The following MT1A variants were observed in gnomAD, a reference collection of about 807,000 sequenced individuals.
MT1A encodes the protein metallothionein-1A.
A neutral mutation model predicts 5.5 loss-of-function variants in MT1A; 6 were observed. The ratio of observed to expected loss-of-function variants is 1.09; its 90% CI spans 0.60 to 2.16. The LOEUF is 2.16. Among genes scored for constraint, MT1A ranks in the 30% most tolerant of loss-of-function variants. The pLI, the probability that MT1A is intolerant of heterozygous loss-of-function variation, is 0.00. For synonymous variants in MT1A, 23 were observed against 24.8 expected (o/e 0.93, Z 0.21); for missense variants, 69 against 73.4 (o/e 0.94, Z 0.22).
rs1960408474 is a variant in MT1A at position 56,638,767 on chromosome 16, G to T, written c.28+1G>T. On this transcript the variant is annotated splice_donor_variant, in intron 1 of 2. Transcript: ENST00000290705. LOFTEE classifies it high-confidence loss of function. Reference sequence around the variant, plus strand: ...GACCCCAACTGCTCCTGCGCCACTGGTAAGGGATGCTAGGTTTCTGGTCCT... The same window carrying T: ...GACCCCAACTGCTCCTGCGCCACTGTTAAGGGATGCTAGGTTTCTGGTCCT... The T allele has an allele frequency of 6.2e-7, 1 of 1,613,962 alleles. No individual in the cohort carries two copies. The highest frequency in any genetic ancestry group is 8.5e-7 in the Non-Finnish European group (1 of 1,179,992).
chr16:56,638,892 C>T, intron 1 of MT1A, 126 bp downstream of exon 1: 4 of 1,172,386 alleles, frequency 3.4e-6, no homozygotes, highest in Admixed American at 3.7e-5. Flanking sequence ...TGATCTAGTG[C>T]TTTTCCACTC....
rs1036543406 is a variant in MT1A at position 56,639,807 on chromosome 16, G to A, written c.95-52G>A. The stretch of plus-strand genomic sequence containing the variant: ...TTGGGCCAGGCTTCTCTGGGGGCAG[G>A]GAAGTCCCCGGTCAAGTCTGGTCTG... On this transcript the variant is annotated intron_variant, in intron 2 of 2. Coordinates refer to ENST00000290705, the MANE Select transcript of MT1A (RefSeq NM_005946.3). 5.0e-6 allele frequency: 8 copies of A among 1,610,736 alleles called. No homozygotes were observed. The Admixed American group carries it at 1.2e-4, about 24-fold the overall frequency.
chr16:56,639,332 G>A lies in MT1A; in HGVS notation c.94+3G>A, dbSNP rs1459856466. On this transcript the variant is annotated splice_donor_region_variant and intron_variant, in intron 2 of 2. Transcript: ENST00000290705. ...CAAATGCACCTCCTGCAAGAAGAGT[G>A]AGTGTGGGGCCATCTCCAGGAATCT... 1 of 1,611,862 alleles carries A rather than the reference G, an allele frequency of 6.2e-7. No homozygotes were observed. The highest frequency in any genetic ancestry group is 1.1e-5 in the South Asian group (1 of 91,064).
At position 56,640,052 on chromosome 16, in the gene MT1A, G is replaced by T; in HGVS notation, c.*102G>T. 7.1e-7 allele frequency: 1 copy of T among 1,416,620 alleles called. No homozygotes were observed. Among genetic ancestry groups the T allele is most frequent in the Non-Finnish European group, 9.5e-7 (1 of 1,053,342 alleles). The allele number at this position is 1,416,620 out of a possible 1,614,324, so 87.8% of individuals were successfully genotyped here. Reference sequence around the variant, plus strand: ...ACCCATTTACTGTATTTTTTTTAATGAAATATGTGAATGATAATAAAAGTT... The same window carrying T: ...ACCCATTTACTGTATTTTTTTTAATTAAATATGTGAATGATAATAAAAGTT... On this transcript the variant is annotated 3_prime_UTR_variant, in exon 3 of 3. Transcript: ENST00000290705.
chr16:56,638,801 C>A (rs758331092), intron 1 of MT1A, 35 bp downstream of exon 1: 5 of 1,612,442 alleles, frequency 3.1e-6, no homozygotes, highest in Non-Finnish European at 4.2e-6. Flanking sequence ...CTTAGGATAC[C>A]TATTTCCCCG....
rs776240151 is a variant in MT1A, at chr16:56,638,759, C to A, written c.21C>A (p.Cys7Ter). Residue 7 changes from cysteine to a stop codon, truncating the protein, a stop_gained, in exon 1 of 3, where the codon TGC becomes TGA. Transcript: ENST00000290705. LOFTEE classifies it high-confidence loss of function. ...TCGAAATGGACCCCAACTGCTCCTG[C>A]GCCACTGGTAAGGGATGCTAGGTTT... MDPNCSCATGGSCTCTG... is the reference protein window; with the variant it reads MDPNCS 2 of 1,614,152 alleles carry A rather than the reference C, an allele frequency of 1.2e-6. No homozygotes were observed. Among genetic ancestry groups the A allele is most frequent in the South Asian group, 2.2e-5 (2 of 91,080 alleles).
chr16:56,638,666 ACCAAGCCTT>A lies in MT1A; in HGVS notation c.-69_-61del. 2.6e-6 allele frequency: 4 copies of A among 1,558,194 alleles called. No individual in the cohort carries two copies. In the South Asian group the frequency reaches 4.4e-5, roughly 17 times the overall value. On this transcript the variant is annotated 5_prime_UTR_variant, in exon 1 of 3. Transcript: ENST00000290705. The stretch of plus-strand genomic sequence containing the variant: ...AAGCAGCCGCTGGCTGCTGGGCCCT[ACCAAGCCTT>A]CCACGTGCGCCTTATAGCCTCTCAA...
intron 2 of MT1A, among the ~76,000 whole-genome samples, chr16:56,639,532 A>AAG (rs1960417791): frequency 6.7e-6 from 1 of 149,214 alleles, no homozygotes; most frequent in African/African-American, 2.5e-5. Flanking sequence ...CCAAGAGTGC[A>AAG]CCAGCCTGCC....
In MT1A at chr16:56,639,918, G is replaced by C. The variant is rs758938105; in HGVS notation, c.154G>C (p.Gly52Arg). The change falls in exon 3 of 3, where the codon GGG becomes CGG. Residue 52 changes from glycine to arginine, a missense_variant. Physicochemically the swap from Gly to Arg is moderately radical, Grantham distance 125 (BLOSUM62 -2). Coordinates refer to ENST00000290705, the MANE Select transcript of MT1A (RefSeq NM_005946.3). Reference sequence around the variant, plus strand: ...GTGTGCCCAGGGCTGCATCTGCAAAGGGGCATCAGAGAAGTGCAGCTGCTG... The same window carrying C: ...GTGTGCCCAGGGCTGCATCTGCAAACGGGCATCAGAGAAGTGCAGCTGCTG... Reference protein sequence around the residue: ...AKCAQGCICKGASEKCSCCA With the variant: ...AKCAQGCICKRASEKCSCCA The C allele has an allele frequency of 6.2e-7, 1 of 1,614,214 alleles. No homozygotes were observed.
At chr16:56,639,389 G>A in intron 2 of MT1A, 60 bp downstream of exon 2, 1 of 1,559,304 alleles carries the variant, frequency 6.4e-7, no homozygotes, top group South Asian at 1.1e-5. Flanking sequence ...CAGGAAACCA[G>A]AGCTGGGCAT....
rs1960408437 is a variant in MT1A, at chr16:56,638,766, G to A, written c.28G>A (p.Gly10Ser). The A allele has an allele frequency of 6.2e-7, 1 of 1,613,952 alleles. No homozygotes were observed. Among genetic ancestry groups the A allele is most frequent in the Non-Finnish European group, 8.5e-7 (1 of 1,179,984 alleles). Residue 10 changes from glycine (G) to serine (S), a missense_variant and splice_region_variant, in exon 1 of 3, where the codon GGT becomes AGT. Physicochemically the swap from Gly to Ser is moderately conservative, Grantham distance 56 (BLOSUM62 0). Transcript: ENST00000290705. ...GGACCCCAACTGCTCCTGCGCCACTGGTAAGGGATGCTAGGTTTCTGGTCC... is the reference window on the plus strand; with the variant it reads ...GGACCCCAACTGCTCCTGCGCCACTAGTAAGGGATGCTAGGTTTCTGGTCC... MDPNCSCATGGSCTCTGSCK... is the reference protein window; with the variant it reads MDPNCSCATSGSCTCTGSCK...
Position 56,639,768 on chromosome 16 carries a change from G to A in MT1A, c.95-91G>A, listed in dbSNP as rs1463443039. 7 of 1,536,704 alleles carry A rather than the reference G, an allele frequency of 4.6e-6. No homozygotes were observed. In the African/African-American group the frequency reaches 6.8e-5, roughly 15 times the overall value. On this transcript the variant is annotated intron_variant, in intron 2 of 2. Transcript: ENST00000290705. ...CATCCTGAACTAAGTGTCCTCTGGG[G>A]CTGGGGACAGAGCTTGGGCCAGGCT...
chr16:56,639,711 A>C, intron 2 of MT1A, 148 bp from the exon 3 acceptor site: 1 of 1,070,400 alleles, frequency 9.3e-7, no homozygotes, highest in Middle Eastern at 3.1e-4. Context: ...CGAAAGATCC[A>C]CCACTTATCT....
chr16:56,639,184 T>G, intron 1 of MT1A, 80 bp from the exon 2 acceptor site: 1 of 1,506,918 alleles, frequency 6.6e-7, no homozygotes, highest in Non-Finnish European at 9.2e-7. Flanking sequence ...GGCCTGGCAA[T>G]GCACTCAGCT....
chr16:56,638,880 A>G (rs1195405310), intron 1 of MT1A, 114 bp downstream of exon 1: 1 of 1,282,668 alleles, frequency 7.8e-7, no homozygotes, highest in Non-Finnish European at 1.1e-6. Context: ...CATTTATTTC[A>G]TTGATCTAGT....
In MT1A at chr16:56,638,735, C is replaced by T. The variant is rs760317009; in HGVS notation, c.-4C>T. The T allele has an allele frequency of 2.5e-6, 4 of 1,614,022 alleles. No individual in the cohort carries two copies. The highest frequency in any genetic ancestry group is 2.7e-5 in the African/African-American group (2 of 74,912). On this transcript the variant is annotated 5_prime_UTR_variant, in exon 1 of 3. Transcript: ENST00000290705. Reference sequence around the variant, plus strand: ...TGGGATCTCCAACCTCACCGCGGCTCGAAATGGACCCCAACTGCTCCTGCG... The same window carrying T: ...TGGGATCTCCAACCTCACCGCGGCTTGAAATGGACCCCAACTGCTCCTGCG...
chr16:56,639,538 C>G (rs1960417955), intron 2 of MT1A, among the ~76,000 whole-genome samples: 1 of 152,138 alleles, frequency 6.6e-6, no homozygotes, highest in African/African-American at 2.4e-5. Flanking sequence ...GTGCACCAGC[C>G]TGCCAAGCAC....
chr16:56,639,824 T>A (rs747413209), intron 2 of MT1A, 35 bp from the exon 3 acceptor site: 7 of 1,613,594 alleles, frequency 4.3e-6, no homozygotes, highest in South Asian at 1.1e-5. Flanking sequence ...CCCGGTCAAG[T>A]CTGGTCTGAC....
At chr16:56,639,193 C>A in intron 1 of MT1A, 71 bp from the exon 2 acceptor site, 1 of 1,552,634 alleles carries the variant, frequency 6.4e-7, no homozygotes, top group Non-Finnish European at 8.9e-7. Context: ...ATGCACTCAG[C>A]TGGCAGCATT....
Sources: allele counts gnomAD v4.1 joint callset (sites outside exome capture counted in the v4.1 genomes callset), GRCh38; gene constraint gnomAD v4.1.1; transcripts MANE v1.5; gene names NCBI Gene and HGNC (gene_info 2026-07-23, HGNC 2026-07-21).